TRMT112: variants seen among roughly 807,000 people sequenced by gnomAD.
TRMT112 encodes tRNA methyltransferase activator subunit 11-2, also known as multifunctional methyltransferase subunit TRM112-like protein.
A neutral mutation model predicts 13.8 loss-of-function variants in TRMT112; 9 were observed. The ratio of observed to expected loss-of-function variants is 0.65; its 90% confidence interval spans 0.39 to 1.14. TRMT112 has a LOEUF of 1.14. TRMT112 is among the 50% of genes most tolerant of loss of function. TRMT112 has a pLI of 0.01. For missense variants in TRMT112, 196 were observed against 165.5 expected, an observed-to-expected ratio of 1.18 and a Z score of -1.01; for synonymous variants, 64 against 67.0, an observed-to-expected ratio of 0.96 and a Z score of 0.22.
chr11:64,318,144 G>C, upstream of TRMT112: 3 of 1,589,228 alleles, frequency 1.9e-6, no homozygotes, highest in Non-Finnish European at 8.5e-7. Context: ...TCGCCGCTGT[G>C]CCGCTAGCGG....
chr11:64,317,036 C>A, intron 3 of TRMT112, 22 bp downstream of exon 3: 1 of 1,613,988 alleles, frequency 6.2e-7, no homozygotes, highest in South Asian at 1.1e-5. Flanking sequence ...GCCCGGGAAG[C>A]AAGTGATGGG....
At position 64,317,553 on chromosome 11, in the gene TRMT112, G is replaced by A. The variant is rs1376916991; in HGVS notation, c.-27C>T. ...TCGCCGCACAAACTCTCGCCAGGCC[G>A]GAACCGGAAAAAGGTCGTCCTCCGC... On this transcript the variant is annotated 5_prime_UTR_variant, in exon 1 of 4. Transcript: ENST00000544844. 3 of 1,519,408 alleles carry A rather than the reference G, an allele frequency of 2.0e-6. No homozygotes were observed. Among genetic ancestry groups the A allele is most frequent in the Admixed American group, 4.1e-5 (2 of 48,488 alleles). 94.1% of individuals were successfully genotyped at this position (1,519,408 alleles called of 1,614,324 possible).
upstream of TRMT112, chr11:64,318,002 C>T (rs2035352682): frequency 4.3e-6 from 6 of 1,411,396 alleles, no homozygotes; most frequent in African/African-American, 3.0e-5. Context: ...CCGAAAGCTC[C>T]GCCCCATTTG....
chr11:64,316,576 A>G lies in TRMT112; in HGVS notation c.*285T>C, dbSNP rs2035274156. ...ATGCCCTGCAGAGCAATAACACTAT[A>G]TTTATTTTTGGGTTTGGCCAGGGAG... On this transcript the variant is annotated 3_prime_UTR_variant, in exon 4 of 4. Coordinates refer to ENST00000544844, the MANE Select transcript of TRMT112 (RefSeq NM_016404.3). 4 of 371,572 alleles carry G rather than the reference A, an allele frequency of 1.1e-5. No individual in the cohort carries two copies. The South Asian group carries it at 1.1e-4, about 10-fold the overall frequency. 23.0% of individuals were successfully genotyped at this position (371,572 alleles called of 1,614,324 possible).
chr11:64,317,556 AC>A lies in TRMT112; in HGVS notation c.-31del. The stretch of plus-strand genomic sequence containing the variant: ...CCGCACAAACTCTCGCCAGGCCGGA[AC>A]CGGAAAAAGGTCGTCCTCCGCTGCC... On this transcript the variant is annotated 5_prime_UTR_variant, in exon 1 of 4. Transcript: ENST00000544844. The A allele has an allele frequency of 6.6e-7, 1 of 1,517,608 alleles. No homozygotes were observed. The highest frequency in any genetic ancestry group is 8.9e-7 in the Non-Finnish European group (1 of 1,123,802). The allele number at this position is 1,517,608 out of a possible 1,614,324, so 94.0% of individuals were successfully genotyped here. A position where few individuals can be genotyped will look rare whatever the true frequency, so the allele number is the denominator to read the frequency against.
Position 64,317,163 on chromosome 11 carries a change from C to G in TRMT112, c.181-16G>C. ...TCAGACGCAACTGTGGGCAAGAGGCCAAAATTATCTCCGGGCATCCCGAAC... is the reference window on the plus strand; with the variant it reads ...TCAGACGCAACTGTGGGCAAGAGGCGAAAATTATCTCCGGGCATCCCGAAC... On this transcript the variant is annotated splice_polypyrimidine_tract_variant and intron_variant, in intron 2 of 3. Transcript: ENST00000544844. 6.2e-7 allele frequency: 1 copy of G among 1,613,656 alleles called. No homozygotes were observed. The highest frequency in any genetic ancestry group is 8.5e-7 in the Non-Finnish European group (1 of 1,179,592).
rs752795028 is a variant in TRMT112, at chr11:64,317,301, T to G, written c.143A>C (p.Lys48Thr). Residue 48 changes from lysine to threonine, a missense_variant, in exon 2 of 4, where the codon AAA (lysine) becomes ACA (threonine). Lys to Thr is a moderately conservative substitution (Grantham distance 78). Coordinates refer to ENST00000544844, the MANE Select transcript of TRMT112 (RefSeq NM_016404.3). ...NPNFVARMIP[K>T]VEWSAFLEAA... ...CTCCAGGAACGCCGACCACTCCACT[T>G]TAGGTATCATACGCGCCACGAAGTT... 1.9e-6 allele frequency: 3 copies of G among 1,613,854 alleles called. No homozygotes were observed. The highest frequency in any genetic ancestry group is 1.1e-5 in the South Asian group (1 of 91,056).
chr11:64,317,095 TCA>T lies in TRMT112; in HGVS notation c.231_232del (p.Asn77LysfsTer43), dbSNP rs747128627. 6.2e-7 allele frequency: 1 copy of T among 1,614,150 alleles called. No individual in the cohort carries two copies. The highest frequency in any genetic ancestry group is 8.5e-7 in the Non-Finnish European group (1 of 1,180,030). On this transcript the variant is annotated frameshift_variant, in exon 3 of 4. Transcript: ENST00000544844. LOFTEE classifies it high-confidence loss of function. ...GTGGTGCATGGTCCTCAGAAACTCCTCATTCTCCTCATATCCCTCAACCGGCC... is the reference window on the plus strand; with the variant it reads ...GTGGTGCATGGTCCTCAGAAACTCCTTTCTCCTCATATCCCTCAACCGGCC...
At chr11:64,317,883 T>C, upstream of TRMT112, 1 of 1,288,402 alleles carries the variant, frequency 7.8e-7, no homozygotes. Flanking sequence ...ACCGTCGTCC[T>C]CTGTATCCCA....
At chr11:64,317,203 G>C (rs934276436) in intron 2 of TRMT112, 56 bp from the exon 3 acceptor site, 2 of 1,610,640 alleles carry the variant, frequency 1.2e-6, no homozygotes, top group Non-Finnish European at 1.7e-6. Flanking sequence ...GCCTCAGCCC[G>C]GCTGAGGTGT....
chr11:64,317,396 G>A, intron 1 of TRMT112, 31 bp from the exon 2 acceptor site: 2 of 1,613,996 alleles, frequency 1.2e-6, no homozygotes, highest in Non-Finnish European at 1.7e-6. Context: ...GGCAAGCACT[G>A]GACCCCGGCC....
At position 64,317,487 on chromosome 11, in the gene TRMT112, G is replaced by A. The variant is rs200904021; in HGVS notation, c.40C>T (p.Arg14Trp). 5 of 1,604,780 alleles carry A rather than the reference G, an allele frequency of 3.1e-6. No homozygotes were observed. The highest frequency in any genetic ancestry group is 1.3e-5 in the African/African-American group (1 of 74,876). Residue 14 changes from arginine to tryptophan, a missense_variant, in exon 1 of 4, where the codon CGG becomes TGG. Coordinates refer to ENST00000544844, the MANE Select transcript of TRMT112 (RefSeq NM_016404.3). ...LTHNLLSSHV[R>W]GVGSRGFPLR... ...GGGAAGCCACGGGACCCCACCCCCC[G>A]CACATGCGAGCTCAGCAGATTGTGG... is the stretch of plus-strand genomic sequence containing the variant.
intron 1 of TRMT112, 24 bp downstream of exon 1, chr11:64,317,424 AG>A: frequency 1.2e-6 from 2 of 1,613,700 alleles, no homozygotes; most frequent in Non-Finnish European, 1.7e-6. Context: ...CCGCCCGAAA[AG>A]GGAAGACTGC....
In TRMT112 at chr11:64,316,736, C is replaced by G; in HGVS notation, c.*125G>C. 1 of 685,022 alleles carries G rather than the reference C, an allele frequency of 1.5e-6. No individual in the cohort carries two copies. Among genetic ancestry groups the G allele is most frequent in the Non-Finnish European group, 2.6e-6 (1 of 382,768 alleles). The allele number at this position is 685,022 out of a possible 1,614,324, so 42.4% of individuals were successfully genotyped here. On this transcript the variant is annotated 3_prime_UTR_variant, in exon 4 of 4. Coordinates refer to ENST00000544844, the MANE Select transcript of TRMT112 (RefSeq NM_016404.3). ...TGAGAAAAAAATATATAATACCGAG[C>G]TCAAAAACACTGTGTTTGGTGTCAT...
At position 64,316,761 on chromosome 11, in the gene TRMT112, T is replaced by C. The variant is rs910207972; in HGVS notation, c.*100A>G. On this transcript the variant is annotated 3_prime_UTR_variant, in exon 4 of 4. Coordinates refer to ENST00000544844, the MANE Select transcript of TRMT112 (RefSeq NM_016404.3). ...CTCAAAAACACTGTGTTTGGTGTCATTGGGTCAAGGGTTGGGGATACACAC... is the reference window on the plus strand; with the variant it reads ...CTCAAAAACACTGTGTTTGGTGTCACTGGGTCAAGGGTTGGGGATACACAC... 5.6e-5 allele frequency: 44 copies of C among 786,790 alleles called. No homozygotes were observed. The highest frequency in any genetic ancestry group is 8.0e-5 in the Non-Finnish European group (36 of 448,782). 48.7% of individuals were successfully genotyped at this position (786,790 alleles called of 1,614,324 possible).
upstream of TRMT112, chr11:64,318,088 C>G: frequency 2.7e-6 from 4 of 1,458,696 alleles, no homozygotes; most frequent in Non-Finnish European, 2.7e-6. Context: ...GGTGGCCGCT[C>G]GCGCCTGCGC....
chr11:64,318,465 C>G (rs2035383695), upstream of TRMT112: 12 of 1,508,188 alleles, frequency 8.0e-6, no homozygotes, highest in South Asian at 1.4e-4. Context: ...GAGAGTATCG[C>G]TTTATTTCCT....
At chr11:64,317,575 C>T (rs367914811), upstream of TRMT112, 2,228 of 1,483,158 alleles carry the variant, frequency 1.5e-3, 37 homozygotes, top group South Asian at 0.024. Context: ...AGGTCGTCCT[C>T]CGCTGCCTCA....
chr11:64,318,078 G>A, upstream of TRMT112: 1 of 1,451,326 alleles, frequency 6.9e-7, no homozygotes, highest in Non-Finnish European at 9.0e-7. Context: ...CTGTTCTGCG[G>A]GTGGCCGCTC....
Sources: gnomAD v4.1 joint callset for allele counts on GRCh38, gnomAD v4.1.1 for gene constraint, MANE v1.5 for transcripts, NCBI Gene and HGNC (gene_info 2026-07-23, HGNC 2026-07-21) for gene names.